The following TNPO3 variants were observed in gnomAD, a reference collection of about 807,000 sequenced individuals.
TNPO3 encodes the protein transportin 3.
A neutral mutation model predicts 122.8 loss-of-function variants in TNPO3; 65 were observed. The ratio of observed to expected loss-of-function variants is 0.53; its 90% confidence interval spans 0.43 to 0.65. The LOEUF is 0.65. Among genes scored for constraint, TNPO3 ranks in the 30% least tolerant of loss-of-function variants. The pLI is 0.00. For missense variants in TNPO3, 850 were observed against 1,136.7 expected (o/e 0.75, Z 3.63); for synonymous variants, 372 against 411.2 (o/e 0.90, Z 1.15).
chr7:129,019,627 T>C lies in TNPO3; in HGVS notation c.121-1470A>G, dbSNP rs576679946. Reference sequence around the variant, plus strand: ...ACTTTGGGAGGCCAAAGCAGGAGGATTGTTTGAGCCCAGAAGTTTGACACT... The same window carrying C: ...ACTTTGGGAGGCCAAAGCAGGAGGACTGTTTGAGCCCAGAAGTTTGACACT... On this transcript the variant is annotated intron_variant, in intron 1 of 22. Transcript: ENST00000265388. Among the ~76,000 whole-genome samples, 23 of 152,246 alleles carry C rather than the reference T, an allele frequency of 1.5e-4. 1 individual carries two copies. In the South Asian group the frequency reaches 3.7e-3, roughly 25 times the overall value.
At chr7:128,974,187 G>GA (rs900654538) in intron 18 of TNPO3, among the ~76,000 whole-genome samples, 1 of 148,140 alleles carries the variant, frequency 6.8e-6, no homozygotes, top group Non-Finnish European at 1.5e-5. Flanking sequence ...AAAGAAAAAA[G>GA]AAAAAAAATC....
At position 128,979,956 on chromosome 7, in the gene TNPO3, T is replaced by C. The variant is rs1190160926; in HGVS notation, c.1920+15A>G. ...GAAGCAAGCCTTGATTCCACAAGCA[T>C]CCATTAGCACTTACTTCCTGTATGA... On this transcript the variant is annotated intron_variant, in intron 15 of 22. Transcript: ENST00000265388. The C allele has an allele frequency of 6.2e-7, 1 of 1,612,700 alleles. No homozygotes were observed. Among genetic ancestry groups the C allele is most frequent in the Non-Finnish European group, 8.5e-7 (1 of 1,178,804 alleles).
chr7:128,957,685 T>C (rs1316462455), intron 21 of TNPO3, among the ~76,000 whole-genome samples: 2 of 152,214 alleles, frequency 1.3e-5, no homozygotes, highest in Non-Finnish European at 2.9e-5. Context: ...AGAGTGCTTA[T>C]GAAAATAGAG....
chr7:129,013,950 G>A (rs1447858104), intron 4 of TNPO3, among the ~76,000 whole-genome samples: 2 of 152,076 alleles, frequency 1.3e-5, no homozygotes, highest in African/African-American at 4.8e-5. Flanking sequence ...GTAGAATGAC[G>A]GTGATCAGAG....
intron 1 of TNPO3, among the ~76,000 whole-genome samples, chr7:129,033,496 C>T (rs948857208): frequency 6.6e-6 from 1 of 152,160 alleles, no homozygotes; most frequent in South Asian, 2.1e-4. Context: ...CTTTGCATCA[C>T]TGGTGGGAAT....
Position 129,054,844 on chromosome 7 carries a change from G to C in TNPO3, c.-74C>G, listed in dbSNP as rs1809297004. The C allele has an allele frequency of 1.9e-6, 3 of 1,600,502 alleles. No homozygotes were observed. The highest frequency in any genetic ancestry group is 1.1e-5 in the South Asian group (1 of 90,216). ...GATTCCTCGGTTGCTCCGCCTTCGC[G>C]CTTCCTCACTGTCTGGGCCACGGCC... is the stretch of plus-strand genomic sequence containing the variant. On this transcript the variant is annotated 5_prime_UTR_variant, in exon 1 of 23. Coordinates refer to ENST00000265388, the MANE Select transcript of TNPO3 (RefSeq NM_012470.4).
chr7:128,975,052 A>T (rs1195228848), intron 17 of TNPO3, 90 bp from the exon 18 acceptor site: 3 of 974,354 alleles, frequency 3.1e-6, no homozygotes, highest in Admixed American at 2.1e-5. Flanking sequence ...ATAAGTACAA[A>T]AGGAACAAAG....
At chr7:129,045,177 T>C in intron 1 of TNPO3, among the ~76,000 whole-genome samples, 1 of 152,292 alleles carries the variant, frequency 6.6e-6, no homozygotes, top group South Asian at 2.1e-4. Context: ...GAAAGTAGAA[T>C]GGTGGTTGCC....
intron 22 of TNPO3, among the ~76,000 whole-genome samples, chr7:128,955,779 GAAAAC>G (rs985478765): frequency 6.6e-6 from 1 of 152,166 alleles, no homozygotes; most frequent in African/African-American, 2.4e-5. Flanking sequence ...AATAACAGTT[GAAAAC>G]AAAACAAAAC....
intron 1 of TNPO3, among the ~76,000 whole-genome samples, chr7:129,033,507 G>C (rs1806191372): frequency 6.6e-6 from 1 of 152,180 alleles, no homozygotes; most frequent in African/African-American, 2.4e-5. Flanking sequence ...TGGTGGGAAT[G>C]TAAATGGTGT....
At chr7:128,970,428 G>T (rs1470360017) in intron 19 of TNPO3, 113 bp from the exon 20 acceptor site, 23 of 1,014,338 alleles carry the variant, frequency 2.3e-5, no homozygotes, top group Non-Finnish European at 3.2e-5. Flanking sequence ...GTGTGTGTGT[G>T]CACGCGTGGC....
In TNPO3 at chr7:128,993,256, G is replaced by C. The variant is rs142962694; in HGVS notation, c.1266+551C>G. ...CTGCCTGAAATTAAACTAATGTTAA[G>C]TGATATGGAATGATGATGATTGTAA... On this transcript the variant is annotated intron_variant, in intron 9 of 22. Transcript: ENST00000265388. Among the ~76,000 whole-genome samples, 1,090 of 152,180 alleles carry C rather than the reference G, an allele frequency of 7.2e-3. 19 individuals are homozygous for C. Among genetic ancestry groups the C allele is most frequent in the African/African-American group, 0.025 (1,026 of 41,514 alleles).
rs1798892182 is a variant in TNPO3, at chr7:128,974,815, C to T, written c.2273+53G>A. ...AACAACCAAGGGTCAGATGGCAAGACTAAGCAGTGATAGGATGAGCAATTA... is the reference window on the plus strand; with the variant it reads ...AACAACCAAGGGTCAGATGGCAAGATTAAGCAGTGATAGGATGAGCAATTA... On this transcript the variant is annotated intron_variant, in intron 18 of 22. Coordinates refer to ENST00000265388, the MANE Select transcript of TNPO3 (RefSeq NM_012470.4). The T allele has an allele frequency of 7.0e-6, 10 of 1,420,968 alleles. No individual in the cohort carries two copies. The South Asian group carries it at 1.2e-4, about 16-fold the overall frequency. The allele number at this position is 1,420,968 out of a possible 1,614,324, so 88.0% of individuals were successfully genotyped here. A position where few individuals can be genotyped will look rare whatever the true frequency, so the allele number is the denominator to read the frequency against.
At chr7:129,010,999 A>G (rs1017038286) in intron 4 of TNPO3, among the ~76,000 whole-genome samples, 1 of 152,190 alleles carries the variant, frequency 6.6e-6, no homozygotes, top group African/African-American at 2.4e-5. Flanking sequence ...TAATTATCCT[A>G]AGGGCGGTAT....
At chr7:129,021,459 C>T (rs1273735532) in intron 1 of TNPO3, among the ~76,000 whole-genome samples, 1 of 151,088 alleles carries the variant, frequency 6.6e-6, no homozygotes, top group Non-Finnish European at 1.5e-5. Context: ...CTTTATAAAA[C>T]CTTGAAACCA....
intron 16 of TNPO3, among the ~76,000 whole-genome samples, chr7:128,976,342 G>C (rs1170701551): frequency 6.6e-6 from 1 of 152,216 alleles, no homozygotes; most frequent in Non-Finnish European, 1.5e-5. Context: ...CTTCATCTTG[G>C]AGAAGACAGT....
chr7:129,056,024 G>A (rs117730437), upstream of TNPO3: 25 of 1,095,648 alleles, frequency 2.3e-5, no homozygotes, highest in Admixed American at 3.9e-5. Context: ...GCGCCATGGC[G>A]CCCTCCAGGA....
intron 8 of TNPO3, among the ~76,000 whole-genome samples, chr7:128,997,010 G>A (rs1253235217): frequency 1.3e-5 from 2 of 151,954 alleles, no homozygotes; most frequent in Non-Finnish European, 2.9e-5. Context: ...TGGTTTAGCT[G>A]GAGTGTTTTG....
chr7:128,992,921 A>T (rs1800900697), intron 9 of TNPO3, among the ~76,000 whole-genome samples: 1 of 152,166 alleles, frequency 6.6e-6, no homozygotes, highest in Non-Finnish European at 1.5e-5. Context: ...GATTTCTCAA[A>T]GCCATAGAGC....
Sources: allele counts gnomAD v4.1 joint callset (sites outside exome capture counted in the v4.1 genomes callset), GRCh38; gene constraint gnomAD v4.1.1; transcripts MANE v1.5; gene names NCBI Gene and HGNC (gene_info 2026-07-23, HGNC 2026-07-21).